Variants in ARIH1 observed in about 807,000 individuals in gnomAD.
ARIH1 encodes ariadne RBR E3 ubiquitin protein ligase 1.
ARIH1 carries 8 observed loss-of-function variants against 85.0 expected under a neutral mutation model. The ratio of observed to expected loss-of-function variants is 0.09; its 90% CI spans 0.06 to 0.17. The LOEUF is 0.17. Among genes scored for constraint, ARIH1 ranks in the 10% least tolerant of loss-of-function variants. The pLI, the probability that ARIH1 is intolerant of heterozygous loss-of-function variation, is 1.00. For missense variants in ARIH1, 311 were observed against 718.1 expected, an observed-to-expected ratio of 0.43 and a Z score of 6.48; for synonymous variants, 238 against 253.6, an observed-to-expected ratio of 0.94 and a Z score of 0.59.
At chr15:72,493,161 A>G (rs1029610616) in intron 1 of ARIH1, among the ~76,000 whole-genome samples, 1 of 152,046 alleles carries the variant, frequency 6.6e-6, no homozygotes, top group African/African-American at 2.4e-5. Flanking sequence ...TTTTACCTGA[A>G]CCTACCTGGT....
intron 11 of ARIH1, among the ~76,000 whole-genome samples, chr15:72,576,198 C>G (rs570343913): frequency 1.3e-5 from 2 of 152,100 alleles, no homozygotes; most frequent in Admixed American, 6.5e-5. Context: ...AAAGAACATA[C>G]GTGTGTTAGG....
At chr15:72,583,124 G>A in intron 13 of ARIH1, 84 bp from the exon 14 acceptor site, 1 of 1,053,140 alleles carries the variant, frequency 9.5e-7, no homozygotes, top group Non-Finnish European at 1.4e-6. Context: ...TAAACTATAG[G>A]GATGCCTTAA....
chr15:72,543,348 C>G (rs1343970686), intron 2 of ARIH1, among the ~76,000 whole-genome samples: 1 of 152,078 alleles, frequency 6.6e-6, no homozygotes, highest in Non-Finnish European at 1.5e-5. Context: ...CAGAGTGAGA[C>G]TGTCTCAAAA....
intron 1 of ARIH1, among the ~76,000 whole-genome samples, chr15:72,479,046 G>A (rs571858152): frequency 6.6e-6 from 1 of 151,984 alleles, no homozygotes; most frequent in South Asian, 2.1e-4. Context: ...TTGCTCTGTT[G>A]CCCAGGCCAG....
chr15:72,546,716 C>T (rs1317959576), intron 3 of ARIH1, among the ~76,000 whole-genome samples: 7 of 151,092 alleles, frequency 4.6e-5, no homozygotes, highest in African/African-American at 9.8e-5. Flanking sequence ...TTTGTAGAGA[C>T]GGGGTTTCAC....
intron 3 of ARIH1, among the ~76,000 whole-genome samples, chr15:72,551,261 C>T (rs913342339): frequency 6.6e-6 from 1 of 152,074 alleles, no homozygotes; most frequent in African/African-American, 2.4e-5. Flanking sequence ...AAAAGAATGA[C>T]TTGAATATTT....
intron 1 of ARIH1, among the ~76,000 whole-genome samples, chr15:72,502,952 T>C (rs1476728345): frequency 2.0e-5 from 3 of 152,246 alleles, no homozygotes; most frequent in Non-Finnish European, 4.4e-5. Flanking sequence ...CTGTGGTAGC[T>C]TAGAAGTAAA....
intron 2 of ARIH1, among the ~76,000 whole-genome samples, chr15:72,519,996 A>G (rs1479818336): frequency 6.6e-6 from 1 of 152,158 alleles, no homozygotes; most frequent in Non-Finnish European, 1.5e-5. Context: ...ACTGCTGAAA[A>G]TATTTTTCCA....
At chr15:72,562,452 T>C (rs186490033) in intron 6 of ARIH1, among the ~76,000 whole-genome samples, 1 of 152,358 alleles carries the variant, frequency 6.6e-6, no homozygotes, top group East Asian at 1.9e-4. Context: ...GGAAACAGCC[T>C]ATTTTAGAAA....
chr15:72,502,818 A>G (rs2063909213), intron 1 of ARIH1, among the ~76,000 whole-genome samples: 1 of 152,138 alleles, frequency 6.6e-6, no homozygotes, highest in African/African-American at 2.4e-5. Context: ...ATAAAATAAA[A>G]TTAAAAAAAA....
intron 1 of ARIH1, among the ~76,000 whole-genome samples, chr15:72,481,553 C>A (rs1387054828): frequency 6.6e-6 from 1 of 151,948 alleles, no homozygotes; most frequent in African/African-American, 2.4e-5. Context: ...GGCGTGGTGG[C>A]CTGTGCCTGT....
intron 2 of ARIH1, among the ~76,000 whole-genome samples, chr15:72,543,973 A>C (rs1352864387): frequency 6.6e-6 from 1 of 152,062 alleles, no homozygotes; most frequent in Non-Finnish European, 1.5e-5. Context: ...TATCTTAACC[A>C]CCTCAACCCA....
rs1391401877 is a variant in ARIH1, at chr15:72,590,421, T to TA, written c.*7130dup. 1.3e-5 allele frequency: 2 copies of TA among 152,228 alleles called. No homozygotes were observed. The highest frequency in any genetic ancestry group is 2.4e-5 in the African/African-American group (1 of 41,456). The allele number at this position is 152,228 out of a possible 1,614,324, so 9.4% of individuals were successfully genotyped here. On this transcript the variant is annotated 3_prime_UTR_variant, in exon 14 of 14. Transcript: ENST00000379887. The stretch of plus-strand genomic sequence containing the variant: ...TGCCTCTTTCGTTGGTGACCTCAGA[T>TA]ACACTGTTCAGAAGTACTCAAAGTA...
chr15:72,596,622 A>AT lies in ARIH1; in HGVS notation c.*13335dup, dbSNP rs1416320234. On this transcript the variant is annotated 3_prime_UTR_variant, in exon 14 of 14. Coordinates refer to ENST00000379887, the MANE Select transcript of ARIH1 (RefSeq NM_005744.5). ...GATATAAACCTACAGATCTCAGATG[A>AT]TTTTTCCCCTGCCCTGTTTTCTTTT... 6.6e-6 allele frequency: 1 copy of AT among 152,036 alleles called. No homozygotes were observed. The allele number at this position is 152,036 out of a possible 1,614,324, so 9.4% of individuals were successfully genotyped here. A position where few individuals can be genotyped will look rare whatever the true frequency, so the allele number is the denominator to read the frequency against.
chr15:72,521,199 GCCCCC>G (rs5813685), intron 2 of ARIH1, among the ~76,000 whole-genome samples: 5 of 89,740 alleles, frequency 5.6e-5, no homozygotes, highest in African/African-American at 2.3e-4. Flanking sequence ...TGTATTTAAT[GCCCCC>G]CCCCCCCCCT....
intron 2 of ARIH1, among the ~76,000 whole-genome samples, chr15:72,543,558 A>G (rs535931623): frequency 6.6e-6 from 1 of 152,236 alleles, no homozygotes; most frequent in African/African-American, 2.4e-5. Flanking sequence ...TATAAAAAAG[A>G]TATTTATTTA....
At chr15:72,521,750 T>C (rs1482369604) in intron 2 of ARIH1, among the ~76,000 whole-genome samples, 1 of 152,114 alleles carries the variant, frequency 6.6e-6, no homozygotes, top group East Asian at 1.9e-4. Context: ...GGTTTCACCA[T>C]GTTGGCCAGG....
rs1029245040 is a variant in ARIH1 at position 72,588,552 on chromosome 15, A to G, written c.*5260A>G. The G allele has an allele frequency of 5.3e-5, 8 of 152,144 alleles. No homozygotes were observed. The highest frequency in any genetic ancestry group is 5.9e-5 in the Non-Finnish European group (4 of 68,032). 9.4% of individuals were successfully genotyped at this position (152,144 alleles called of 1,614,324 possible). A position where few individuals can be genotyped will look rare whatever the true frequency, so the allele number is the denominator to read the frequency against. On this transcript the variant is annotated 3_prime_UTR_variant, in exon 14 of 14. Coordinates refer to ENST00000379887, the MANE Select transcript of ARIH1 (RefSeq NM_005744.5). ...AGATCCTTGATCTAGACTGCCTTCT[A>G]TAGTTGCAAAAAGAGAATATAGGCG...
chr15:72,558,508 G>A (rs2064184526), intron 5 of ARIH1, among the ~76,000 whole-genome samples: 1 of 152,144 alleles, frequency 6.6e-6, no homozygotes, highest in Non-Finnish European at 1.5e-5. Flanking sequence ...CGTCATGTTG[G>A]CCAGGCTGTT....
Sources: gnomAD v4.1 joint callset for allele counts (sites outside exome capture counted in the v4.1 genomes callset) on GRCh38, gnomAD v4.1.1 for gene constraint, MANE v1.5 for transcripts, NCBI Gene and HGNC (gene_info 2026-07-23, HGNC 2026-07-21) for gene names.